The following KAZN variants were observed in gnomAD, a reference collection of about 807,000 sequenced individuals.
KAZN encodes kazrin, periplakin interacting protein.
KAZN carries 40 observed loss-of-function variants against 87.4 expected under a neutral mutation model. The ratio of observed to expected loss-of-function variants is 0.46; its 90% CI spans 0.36 to 0.60. The LOEUF (loss-of-function observed/expected upper bound fraction) is 0.60, where lower values mean the gene tolerates loss of function less well. KAZN is among the 20% of genes least tolerant of loss of function. The pLI is 0.00. For synonymous variants in KAZN, 466 were observed against 458.3 expected, an observed-to-expected ratio of 1.02 and a Z score of -0.22; for missense variants, 898 against 1,073.9, an observed-to-expected ratio of 0.84 and a Z score of 2.29.
intron 1 of KAZN, among the ~76,000 whole-genome samples, chr1:13,991,054 A>G (rs1395414727): frequency 6.6e-6 from 1 of 152,168 alleles, no homozygotes; most frequent in Non-Finnish European, 1.5e-5. Context: ...AAGCAAAGAC[A>G]GGAAAGAATA....
chr1:14,208,494 G>C (rs1280720861), intron 2 of KAZN, among the ~76,000 whole-genome samples: 2 of 152,176 alleles, frequency 1.3e-5, no homozygotes, highest in African/African-American at 2.4e-5. Flanking sequence ...TGAGTAGACA[G>C]AGTGAAAAAA....
intron 2 of KAZN, among the ~76,000 whole-genome samples, chr1:14,587,372 G>T (rs1188838223): frequency 1.3e-5 from 2 of 151,102 alleles, no homozygotes; most frequent in Admixed American, 1.3e-4. Context: ...GGAGGCAGAG[G>T]TTGCAGTGAG....
chr1:14,648,139 T>C (rs1680948571), intron 1 of KAZN, among the ~76,000 whole-genome samples: 2 of 152,026 alleles, frequency 1.3e-5, no homozygotes, highest in African/African-American at 4.8e-5. Flanking sequence ...GAAAGCAGGG[T>C]AGGAAGGTTG....
At chr1:14,528,896 G>A (rs1288133613) in intron 2 of KAZN, among the ~76,000 whole-genome samples, 3 of 151,762 alleles carry the variant, frequency 2.0e-5, no homozygotes, top group East Asian at 1.9e-4. Context: ...TGTCCCTCTC[G>A]CAGCCTCATT....
chr1:14,755,465 T>C (rs2100515385), intron 1 of KAZN, among the ~76,000 whole-genome samples: 1 of 152,208 alleles, frequency 6.6e-6, no homozygotes, highest in Middle Eastern at 3.4e-3. Context: ...AACCTATATG[T>C]CGTGTGGTTG....
At chr1:13,935,247 T>C (rs1437234457) in intron 1 of KAZN, among the ~76,000 whole-genome samples, 1 of 132,934 alleles carries the variant, frequency 7.5e-6, no homozygotes. Context: ...CAAATAGTAG[T>C]AGTAGTAATA....
intron 5 of KAZN, among the ~76,000 whole-genome samples, chr1:15,059,081 G>A (rs1481977367): frequency 6.7e-6 from 1 of 148,616 alleles, no homozygotes; most frequent in Non-Finnish European, 1.5e-5. Flanking sequence ...CACAAGGAGA[G>A]AAATCAACAG....
chr1:14,195,108 C>T (rs1438543266), intron 2 of KAZN, among the ~76,000 whole-genome samples: 2 of 152,174 alleles, frequency 1.3e-5, no homozygotes, highest in Admixed American at 6.5e-5. Flanking sequence ...ATAGATACAA[C>T]AGCTTATTAT....
chr1:14,330,999 CT>C (rs964718176), intron 2 of KAZN, among the ~76,000 whole-genome samples: 1 of 132,990 alleles, frequency 7.5e-6, no homozygotes, highest in African/African-American at 2.5e-5. Flanking sequence ...GTACAATCCC[CT>C]GTTAGCTGGG....
chr1:14,229,831 G>A (rs1647640033), intron 2 of KAZN, among the ~76,000 whole-genome samples: 2 of 152,240 alleles, frequency 1.3e-5, no homozygotes, highest in Admixed American at 6.5e-5. Flanking sequence ...TCTCTCGCAG[G>A]AGCGTTAGAT....
intron 1 of KAZN, among the ~76,000 whole-genome samples, chr1:14,884,973 C>T (rs764705757): frequency 1.3e-5 from 2 of 152,180 alleles, no homozygotes; most frequent in African/African-American, 2.4e-5. Context: ...TCACGGAACA[C>T]GTATCGTAAT....
intron 1 of KAZN, among the ~76,000 whole-genome samples, chr1:13,981,512 A>T (rs1638708735): frequency 6.6e-6 from 1 of 152,126 alleles, no homozygotes. Flanking sequence ...TGCGTGTCAA[A>T]GATTCTGCCG....
chr1:14,306,157 A>T (rs1468442039), intron 2 of KAZN, among the ~76,000 whole-genome samples: 1 of 152,052 alleles, frequency 6.6e-6, no homozygotes, highest in Non-Finnish European at 1.5e-5. Flanking sequence ...TTTTTGGTGG[A>T]TTGTTTTGAA....
At chr1:14,025,663 A>G (rs1447878930) in intron 1 of KAZN, among the ~76,000 whole-genome samples, 2 of 152,218 alleles carry the variant, frequency 1.3e-5, no homozygotes, top group African/African-American at 2.4e-5. Flanking sequence ...TGCAGTAGCC[A>G]CTGGCCACAT....
chr1:14,494,028 C>G (rs764085140), intron 2 of KAZN, among the ~76,000 whole-genome samples: 1 of 152,184 alleles, frequency 6.6e-6, no homozygotes, highest in African/African-American at 2.4e-5. Flanking sequence ...GCTTTGTCTT[C>G]TAAACTTTTC....
chr1:14,642,641 A>G (rs999815152), intron 1 of KAZN, among the ~76,000 whole-genome samples: 6 of 152,330 alleles, frequency 3.9e-5, no homozygotes, highest in African/African-American at 2.4e-5. Context: ...TAGGATAACT[A>G]TAGTTTACAA....
chr1:14,565,672 A>G (rs745760419), intron 2 of KAZN, among the ~76,000 whole-genome samples: 1 of 152,210 alleles, frequency 6.6e-6, no homozygotes, highest in Non-Finnish European at 1.5e-5. Flanking sequence ...TGCTTTATCA[A>G]CTAAGTTTAT....
intron 2 of KAZN, among the ~76,000 whole-genome samples, chr1:14,343,945 A>T (rs1426090912): frequency 6.6e-6 from 1 of 152,154 alleles, no homozygotes; most frequent in African/African-American, 2.4e-5. Context: ...CTGTAGCTGC[A>T]TTGTACTAAA....
rs760960823 is a variant in KAZN at position 15,054,852 on chromosome 1, G to A, written c.727-1239G>A. Among the ~76,000 whole-genome samples the A allele has an allele frequency of 6.6e-5, 10 of 152,352 alleles. No homozygotes were observed. In the South Asian group the frequency reaches 1.4e-3, roughly 22 times the overall value. On this transcript the variant is annotated intron_variant, in intron 4 of 14. Transcript: ENST00000376030. The stretch of plus-strand genomic sequence containing the variant: ...GTGTGGCCAGTCGAGGCGGCCTCCC[G>A]GCCCCAGCTCAGCCTCACACTTGTC...
Sources: allele counts gnomAD v4.1 joint callset (sites outside exome capture counted in the v4.1 genomes callset), GRCh38; gene constraint gnomAD v4.1.1; transcripts MANE v1.5; gene names NCBI Gene and HGNC (gene_info 2026-07-23, HGNC 2026-07-21).